Variants in MACF1 observed in about 807,000 individuals in gnomAD.
MACF1 encodes the protein microtubule-actin cross-linking factor 1.
MACF1 carries 193 observed loss-of-function variants against 854.8 expected under a neutral mutation model. The ratio of observed to expected loss-of-function variants is 0.23; its 90% confidence interval spans 0.20 to 0.25. The LOEUF is 0.25. Ranked by LOEUF, MACF1 falls within the 10% of genes least tolerant of loss-of-function variation. MACF1 has a pLI of 1.00. For missense variants in MACF1, 7,722 were observed against 8,929.1 expected, an observed-to-expected ratio of 0.86 and a Z score of 5.45; for synonymous variants, 3,185 against 3,226.7, an observed-to-expected ratio of 0.99 and a Z score of 0.44.
At chr1:39,310,797 A>G in intron 25 of MACF1, 34 bp from the exon 26 acceptor site, 1 of 1,573,588 alleles carries the variant, frequency 6.4e-7, no homozygotes, top group Non-Finnish European at 8.6e-7. Flanking sequence ...TCTGATGTCG[A>G]GCTTACTGGT....
Position 39,108,897 on chromosome 1 carries a change from GTACT to G in MACF1, c.220+24462_220+24465del, listed in dbSNP as rs1280464110. Among the ~76,000 whole-genome samples the G allele has an allele frequency of 3.3e-5, 5 of 152,260 alleles. No individual in the cohort carries two copies. In the South Asian group the frequency reaches 1.0e-3, roughly 32 times the overall value. ...TTTCAACATTGGTAACATCTATCTG[GTACT>G]TATGAAATTCAGAATTGTCACTAAG... On this transcript the variant is annotated intron_variant, in intron 2 of 93. Transcript: ENST00000361689.
Position 39,333,439 on chromosome 1 carries a change from C to T in MACF1, c.6851C>T (p.Thr2284Ile), listed in dbSNP as rs1311897075. The change falls in exon 37 of 101, where the codon ACC becomes ATC. Residue 2284 changes from threonine to isoleucine, a missense_variant. By Grantham distance (89) the Thr-to-Ile change is moderately conservative. Transcript: ENST00000564288. Reference protein sequence around the residue: ...SHPLELLEEATLNVLSAQLLD... With the variant: ...SHPLELLEEAILNVLSAQLLD... Reference sequence around the variant, plus strand: ...CCATTAGAATTGCTTGAAGAAGCTACCTTAAATGTATTATCTGCACAGTTA... The same window carrying T: ...CCATTAGAATTGCTTGAAGAAGCTATCTTAAATGTATTATCTGCACAGTTA... 6.2e-7 allele frequency: 1 copy of T among 1,614,078 alleles called. No homozygotes were observed. The highest frequency in any genetic ancestry group is 8.5e-7 in the Non-Finnish European group (1 of 1,180,012).
chr1:39,187,476 A>G (rs1644187677), intron 2 of MACF1, among the ~76,000 whole-genome samples: 1 of 152,130 alleles, frequency 6.6e-6, no homozygotes, highest in South Asian at 2.1e-4. Context: ...ATACGGGGAA[A>G]TTCCCTCACC....
intron 1 of MACF1, among the ~76,000 whole-genome samples, chr1:39,227,697 T>C (rs550677793): frequency 6.6e-6 from 1 of 152,342 alleles, no homozygotes; most frequent in South Asian, 2.1e-4. Flanking sequence ...ATGAAAGGTC[T>C]TGATTTGGCC....
intron 2 of MACF1, among the ~76,000 whole-genome samples, chr1:39,104,001 TAAG>T: frequency 6.6e-6 from 1 of 152,262 alleles, no homozygotes; most frequent in Non-Finnish European, 1.5e-5. Flanking sequence ...AGCCTGGGGT[TAAG>T]AAGTTTCTCC....
intron 94 of MACF1, 134 bp downstream of exon 94, chr1:39,463,820 T>C: frequency 1.4e-6 from 1 of 697,616 alleles, no homozygotes; most frequent in Non-Finnish European, 2.5e-6. Flanking sequence ...CTCATCTCTA[T>C]AGATGCCAAG....
intron 1 of MACF1, among the ~76,000 whole-genome samples, chr1:39,228,313 A>C (rs1644740061): frequency 6.6e-6 from 1 of 152,218 alleles, no homozygotes. Flanking sequence ...TCTGTCTCAA[A>C]AACAGACAAA....
chr1:39,247,068 ATTTTTTT>A (rs58410726), intron 2 of MACF1, among the ~76,000 whole-genome samples: 58 of 93,508 alleles, frequency 6.2e-4, no homozygotes, highest in African/African-American at 2.3e-3. Flanking sequence ...TGCCCGGCTA[ATTTTTTT>A]TTTTTTTTTT....
At chr1:39,359,386 A>G (rs2148514791) in intron 47 of MACF1, 122 bp downstream of exon 47, 7 of 1,079,030 alleles carry the variant, frequency 6.5e-6, no homozygotes, top group South Asian at 3.3e-5. Flanking sequence ...GAGAATATAA[A>G]CATGAATAGA....
rs183605326 is a variant in MACF1, at chr1:39,432,190, A to G, written c.17338-345A>G. Among the ~76,000 whole-genome samples, 634 of 152,328 alleles carry G rather than the reference A, an allele frequency of 4.2e-3. 13 individuals are homozygous for G. The highest frequency in any genetic ancestry group is 0.035 in the Admixed American group (539 of 15,304). ...TATATTTAAACATCTGACTAAACCT[A>G]CTACTGTTCCATGTCTGGGTAGGAA... is the stretch of plus-strand genomic sequence containing the variant. On this transcript the variant is annotated intron_variant, in intron 66 of 100. Transcript: ENST00000564288.
At chr1:39,390,128 G>A (rs889024562) in intron 58 of MACF1, among the ~76,000 whole-genome samples, 3 of 152,146 alleles carry the variant, frequency 2.0e-5, no homozygotes, top group Admixed American at 6.5e-5. Flanking sequence ...TGGTAAATAC[G>A]TAAAAGTCTC....
At chr1:39,149,986 T>C (rs1643543709) in intron 2 of MACF1, among the ~76,000 whole-genome samples, 1 of 152,184 alleles carries the variant, frequency 6.6e-6, no homozygotes, top group African/African-American at 2.4e-5. Context: ...ATTATTTTCT[T>C]CTACAGGATT....
At chr1:39,339,237 G>C (rs902614324) in intron 38 of MACF1, among the ~76,000 whole-genome samples, 1 of 152,070 alleles carries the variant, frequency 6.6e-6, no homozygotes, top group African/African-American at 2.4e-5. Context: ...TCTGGGAGAC[G>C]GAGTGAGACC....
chr1:39,382,279 G>T (rs1039039167), intron 56 of MACF1, 127 bp downstream of exon 56: 19 of 845,722 alleles, frequency 2.2e-5, no homozygotes, highest in African/African-American at 5.1e-5. Context: ...TTTAAATGAG[G>T]TATTTATAAG....
rs1645885362 is a variant in MACF1 at position 39,295,681 on chromosome 1, T to C, written c.2260-106T>C. ...GTCAAGTATCTCCACATCTTTTCTGTTGGCTTCTCTATCATTAGCAGAGTT... is the reference window on the plus strand; with the variant it reads ...GTCAAGTATCTCCACATCTTTTCTGCTGGCTTCTCTATCATTAGCAGAGTT... On this transcript the variant is annotated intron_variant, in intron 19 of 100. Transcript: ENST00000564288. 6 of 750,652 alleles carry C rather than the reference T, an allele frequency of 8.0e-6. No homozygotes were observed. In the Admixed American group the frequency reaches 1.5e-4, roughly 18 times the overall value. The allele number at this position is 750,652 out of a possible 1,614,324, so 46.5% of individuals were successfully genotyped here. A position where few individuals can be genotyped will look rare whatever the true frequency, so the allele number is the denominator to read the frequency against.
chr1:39,152,515 T>C (rs923005943), intron 2 of MACF1, among the ~76,000 whole-genome samples: 5 of 152,240 alleles, frequency 3.3e-5, no homozygotes, highest in African/African-American at 1.2e-4. Flanking sequence ...AAACAGATGT[T>C]GACACCCTCA....
At chr1:39,344,064 G>A (rs1365644215) in intron 40 of MACF1, among the ~76,000 whole-genome samples, 2 of 150,458 alleles carry the variant, frequency 1.3e-5, no homozygotes, top group Admixed American at 1.3e-4. Context: ...GTGGTGAGCC[G>A]AGGTTGCGCC....
intron 58 of MACF1, chr1:39,414,135 A>G: frequency 1.2e-6 from 2 of 1,608,386 alleles, no homozygotes; most frequent in Non-Finnish European, 8.5e-7. Flanking sequence ...TGTCCAACCT[A>G]GAGGAGCCCG....
intron 97 of MACF1, among the ~76,000 whole-genome samples, chr1:39,477,075 A>ATACACTTATTG (rs1557675013): frequency 1.9e-5 from 1 of 51,308 alleles, no homozygotes; most frequent in Non-Finnish European, 3.3e-5. Context: ...ATATATATAT[A>ATACACTTATTG]TATATATATA....
Sources: gnomAD v4.1 joint callset for allele counts (sites outside exome capture counted in the v4.1 genomes callset) on GRCh38, gnomAD v4.1.1 for gene constraint, MANE v1.5 for transcripts, NCBI Gene and HGNC (gene_info 2026-07-23, HGNC 2026-07-21) for gene names.